Variants in HECW1 observed in about 807,000 individuals in gnomAD.
HECW1 encodes HECT, C2 and WW domain containing E3 ubiquitin protein ligase 1.
A neutral mutation model predicts 182.3 loss-of-function variants in HECW1; 61 were observed. That is an observed-to-expected ratio of 0.33 (90% CI 0.27 to 0.41). The LOEUF is 0.41. Ranked by LOEUF, HECW1 falls within the 10% of genes least tolerant of loss-of-function variation. The pLI, the probability that HECW1 is intolerant of heterozygous loss-of-function variation, is 1.00. For synonymous variants in HECW1, 859 were observed against 832.6 expected, an observed-to-expected ratio of 1.03 and a Z score of -0.55; for missense variants, 1,739 against 2,108.9, an observed-to-expected ratio of 0.82 and a Z score of 3.44.
chr7:43,506,985 G>A (rs562650197), intron 21 of HECW1, 152 bp from the exon 22 acceptor site: 1,047 of 839,112 alleles, frequency 1.2e-3, no homozygotes, highest in Admixed American at 2.7e-3. Flanking sequence ...TAGCAGAATC[G>A]CTTGAACCCA....
At chr7:43,253,496 A>G (rs1295772564) in intron 3 of HECW1, among the ~76,000 whole-genome samples, 1 of 152,248 alleles carries the variant, frequency 6.6e-6, no homozygotes, top group Non-Finnish European at 1.5e-5. Context: ...ATAGATTGTC[A>G]GAATAAACCC....
At chr7:43,174,553 G>A (rs1792018510) in intron 2 of HECW1, among the ~76,000 whole-genome samples, 1 of 152,158 alleles carries the variant, frequency 6.6e-6, no homozygotes, top group Admixed American at 6.5e-5. Context: ...CCCTGAGCGA[G>A]GTTCTTGTCC....
intron 3 of HECW1, among the ~76,000 whole-genome samples, chr7:43,267,203 T>A (rs1801897573): frequency 6.6e-6 from 1 of 152,174 alleles, no homozygotes; most frequent in South Asian, 2.1e-4. Flanking sequence ...CTATAAAGCA[T>A]CTATACAATT....
At chr7:43,500,175 A>G (rs917827084) in intron 19 of HECW1, among the ~76,000 whole-genome samples, 5 of 149,628 alleles carry the variant, frequency 3.3e-5, no homozygotes, top group African/African-American at 1.2e-4. Flanking sequence ...ATCTCAGTTC[A>G]CTGCAACTTC....
In HECW1 at chr7:43,432,361, G is replaced by T. The variant is rs889951033; in HGVS notation, c.802-5642G>T. Among the ~76,000 whole-genome samples, 1 of 151,458 alleles carries T rather than the reference G, an allele frequency of 6.6e-6. No individual in the cohort carries two copies. The highest frequency in any genetic ancestry group is 1.9e-4 in the East Asian group (1 of 5,168). On this transcript the variant is annotated intron_variant, in intron 8 of 29. Coordinates refer to ENST00000395891, the MANE Select transcript of HECW1 (RefSeq NM_015052.5). This position sits in a 1 kb window ranked among gnomAD's most constrained non-coding sequence, Gnocchi z 4.1. ...TCACCGTTTTAGCCGGGATGGTCTC[G>T]ATCTCCTGACCTCGTGATCCGCCCG...
At chr7:43,195,198 A>G (rs1794329204) in intron 2 of HECW1, among the ~76,000 whole-genome samples, 1 of 152,224 alleles carries the variant, frequency 6.6e-6, no homozygotes, top group African/African-American at 2.4e-5. Flanking sequence ...TTTATTTCCC[A>G]AGAAAAAAGA....
chr7:43,311,718 T>G (rs1405257760), intron 3 of HECW1, 45 bp from the exon 4 acceptor site: 1 of 1,572,320 alleles, frequency 6.4e-7, no homozygotes, highest in Admixed American at 1.7e-5. Context: ...GTGACTGAGT[T>G]GCCGGCGTGC....
rs148993860 is a variant in HECW1, at chr7:43,411,586, A to G, written c.801+3855A>G. 6.5e-3 allele frequency among the ~76,000 whole-genome samples: 993 copies of G among 152,242 alleles called. 12 individuals are homozygous for G. The highest frequency in any genetic ancestry group is 0.022 in the African/African-American group (927 of 41,566). ...CAGTTGCCACAAGAAGCATGTTTAA[A>G]TCCTTTACTATGTTCATGGAATTGT... On this transcript the variant is annotated intron_variant, in intron 8 of 29. Transcript: ENST00000395891.
At chr7:43,121,621 A>AT (rs1297441296) in intron 2 of HECW1, among the ~76,000 whole-genome samples, 1 of 152,014 alleles carries the variant, frequency 6.6e-6, no homozygotes, top group Non-Finnish European at 1.5e-5. Context: ...AAATGATGCT[A>AT]TTTTCTGCTC....
rs2076970715 is a variant in HECW1, at chr7:43,444,141, T to TA, written c.1046-76dup. 7.1e-7 allele frequency: 1 copy of TA among 1,411,486 alleles called. No homozygotes were observed. Among genetic ancestry groups the TA allele is most frequent in the African/African-American group, 1.4e-5 (1 of 69,856 alleles). The allele number at this position is 1,411,486 out of a possible 1,614,324, so 87.4% of individuals were successfully genotyped here. ...ATGTAGAAATCCCTTAGTGATGGCT[T>TA]ACATGTCCCACAGGGTATCCTAACA... On this transcript the variant is annotated intron_variant, in intron 10 of 29. Transcript: ENST00000395891. The surrounding 1 kb of genome is among the most constrained non-coding windows in gnomAD (Gnocchi z 4.3).
At chr7:43,544,881 T>C (rs1445529953) in intron 26 of HECW1, among the ~76,000 whole-genome samples, 2 of 152,160 alleles carry the variant, frequency 1.3e-5, no homozygotes, top group South Asian at 4.1e-4. Flanking sequence ...CAGGTCTAAA[T>C]TGGCATGAAA....
At chr7:43,452,257 G>A (rs1410065157) in intron 12 of HECW1, among the ~76,000 whole-genome samples, 1 of 152,182 alleles carries the variant, frequency 6.6e-6, no homozygotes, top group African/African-American at 2.4e-5. Flanking sequence ...CCAGGAAAGG[G>A]ATGCTTTCCC....
intron 7 of HECW1, among the ~76,000 whole-genome samples, chr7:43,401,481 T>A (rs942562894): frequency 1.5e-4 from 22 of 151,050 alleles, no homozygotes; most frequent in African/African-American, 5.1e-4. Flanking sequence ...TAATTTTGAG[T>A]ATTTAAATTA....
At chr7:43,381,205 A>T (rs892280564) in intron 6 of HECW1, among the ~76,000 whole-genome samples, 1 of 152,046 alleles carries the variant, frequency 6.6e-6, no homozygotes, top group Non-Finnish European at 1.5e-5. Context: ...TACTTTTTTC[A>T]TGCTAATTTG....
intron 2 of HECW1, among the ~76,000 whole-genome samples, chr7:43,150,073 C>T (rs764577086): frequency 3.9e-5 from 6 of 152,124 alleles, no homozygotes; most frequent in Non-Finnish European, 7.3e-5. Context: ...TGATAACTAA[C>T]ATTTATTGTA....
chr7:43,287,653 T>TC (rs1340453619), intron 3 of HECW1, among the ~76,000 whole-genome samples: 1 of 151,832 alleles, frequency 6.6e-6, no homozygotes, highest in African/African-American at 2.4e-5. Context: ...TTAGGTTTTT[T>TC]AAAGGTTTCT....
At position 43,343,498 on chromosome 7, in the gene HECW1, C is replaced by T. The variant is rs181761465; in HGVS notation, c.461-17388C>T. Reference sequence around the variant, plus strand: ...GTTCTCATTGTTCAATTCCCACCTACGAGTGAGAACATGCAGTGTTTGGTT... The same window carrying T: ...GTTCTCATTGTTCAATTCCCACCTATGAGTGAGAACATGCAGTGTTTGGTT... On this transcript the variant is annotated intron_variant, in intron 5 of 29. Coordinates refer to ENST00000395891, the MANE Select transcript of HECW1 (RefSeq NM_015052.5). Among the ~76,000 whole-genome samples the T allele has an allele frequency of 2.7e-3, 410 of 151,684 alleles. 1 individual carries two copies. Among genetic ancestry groups the T allele is most frequent in the Admixed American group, 5.5e-3 (84 of 15,266 alleles).
At chr7:43,167,322 G>A (rs1395560658) in intron 2 of HECW1, among the ~76,000 whole-genome samples, 3 of 152,008 alleles carry the variant, frequency 2.0e-5, no homozygotes, top group Non-Finnish European at 4.4e-5. Context: ...TCTTCTATTC[G>A]AGGAATACTA....
rs759994601 is a variant in HECW1, at chr7:43,536,337, G to A, written c.4020-4826G>A. Among the ~76,000 whole-genome samples the A allele has an allele frequency of 3.1e-4, 47 of 152,304 alleles. No homozygotes were observed. In the Middle Eastern group the frequency reaches 0.01, roughly 33 times the overall value. The stretch of plus-strand genomic sequence containing the variant: ...CTCCTGGGAGGTTTCAAATTACACC[G>A]AAAACATTGCCAGAGAGAGAGACTC... On this transcript the variant is annotated intron_variant, in intron 24 of 29. Coordinates refer to ENST00000395891, the MANE Select transcript of HECW1 (RefSeq NM_015052.5).
Sources: gnomAD v4.1 joint callset for allele counts (sites outside exome capture counted in the v4.1 genomes callset) on GRCh38, gnomAD v4.1.1 for gene constraint, Gnocchi (gnomAD v3.1) non-coding constraint, MANE v1.5 for transcripts, NCBI Gene and HGNC (gene_info 2026-07-23, HGNC 2026-07-21) for gene names.